Variants in RIC3 observed in about 807,000 individuals in gnomAD.
RIC3 encodes the protein RIC3 acetylcholine receptor chaperone.
A neutral mutation model predicts 27.3 loss-of-function variants in RIC3; 28 were observed. The observed-to-expected ratio is 1.02, with a 90% CI of 0.76 to 1.41. The LOEUF (loss-of-function observed/expected upper bound fraction) is 1.41, where lower values mean the gene tolerates loss of function less well. RIC3 is among the 40% of genes most tolerant of loss of function. The pLI is 0.00. For missense variants in RIC3, 501 were observed against 444.7 expected, an observed-to-expected ratio of 1.13 and a Z score of -1.14; for synonymous variants, 184 against 160.4, an observed-to-expected ratio of 1.15 and a Z score of -1.11.
In RIC3 at chr11:8,106,687, T is replaced by G. The variant is rs1487748669; in HGVS notation, c.*4011A>C. 1 of 436 alleles carries G rather than the reference T, an allele frequency of 2.3e-3. No homozygotes were observed. The highest frequency in any genetic ancestry group is 5.6e-3 in the Non-Finnish European group (1 of 178). 0.0% of individuals were successfully genotyped at this position (436 alleles called of 1,614,324 possible). ...AACAGGACCTCGAGATGCTTAGGAA[T>G]CTTTTTTTGTTGCCGGGCAGCTGTG... On this transcript the variant is annotated 3_prime_UTR_variant, in exon 6 of 6. Coordinates refer to ENST00000309737, the MANE Select transcript of RIC3 (RefSeq NM_001206671.4).
chr11:8,100,141 C>G, the RIC3 span, among the ~76,000 whole-genome samples: 1 of 152,098 alleles, frequency 6.6e-6, no homozygotes, highest in Non-Finnish European at 1.5e-5. Flanking sequence ...GTGAGAGAAG[C>G]TAGTGGTGAA....
At chr11:8,112,358 A>G (rs565191372) in intron 5 of RIC3, among the ~76,000 whole-genome samples, 12 of 151,268 alleles carry the variant, frequency 7.9e-5, no homozygotes, top group African/African-American at 2.7e-4. Flanking sequence ...CAGTGGTGCA[A>G]TCTCGGTTCA....
the RIC3 span, among the ~76,000 whole-genome samples, chr11:8,093,166 G>C: frequency 6.6e-6 from 1 of 152,000 alleles, no homozygotes; most frequent in Non-Finnish European, 1.5e-5. Flanking sequence ...CTGCTCTGAC[G>C]AGGGAGGCAG....
chr11:8,138,684 G>A, intron 2 of RIC3: 1 of 266,830 alleles, frequency 3.7e-6, no homozygotes, highest in Non-Finnish European at 6.9e-6. Context: ...CCATAATAAA[G>A]AAATCAACTG....
At chr11:8,093,880 A>G in the RIC3 span, among the ~76,000 whole-genome samples, 1 of 152,124 alleles carries the variant, frequency 6.6e-6, no homozygotes, top group African/African-American at 2.4e-5. Flanking sequence ...TTTGCCTAGT[A>G]GAGATGAGTG....
At chr11:8,138,372 C>T (rs1005918086) in intron 2 of RIC3, 25 bp from the exon 3 acceptor site, 1 of 1,489,026 alleles carries the variant, frequency 6.7e-7, no homozygotes, top group South Asian at 1.1e-5. Flanking sequence ...AGGTATAGCA[C>T]ATCAACAGCA....
At chr11:8,156,711 T>C (rs1950687698) in intron 1 of RIC3, among the ~76,000 whole-genome samples, 1 of 152,116 alleles carries the variant, frequency 6.6e-6, no homozygotes, top group Non-Finnish European at 1.5e-5. Context: ...TCCACATATC[T>C]AAATCCAGCC....
chr11:8,140,885 T>C (rs141208513), intron 1 of RIC3, among the ~76,000 whole-genome samples: 2,543 of 151,310 alleles, frequency 0.017, 76 homozygotes, highest in African/African-American at 0.058. Context: ...TTCAACATTC[T>C]TAAAGAAAAG....
In RIC3 at chr11:8,113,677, C is replaced by G. The variant is rs567543725; in HGVS notation, c.671-2540G>C. ...ACAATCCAGCAGACCCTGGGTCTAG[C>G]CCAACCCAGTAGACCCCAGCATTGG... is the stretch of plus-strand genomic sequence containing the variant. On this transcript the variant is annotated intron_variant, in intron 5 of 5. Coordinates refer to ENST00000309737, the MANE Select transcript of RIC3 (RefSeq NM_001206671.4). Among the ~76,000 whole-genome samples, 979 of 152,284 alleles carry G rather than the reference C, an allele frequency of 6.4e-3. 21 individuals are homozygous for G. The highest frequency in any genetic ancestry group is 0.051 in the Admixed American group (779 of 15,300).
chr11:8,096,672 C>A, the RIC3 span: 1 of 1,554,132 alleles, frequency 6.4e-7, no homozygotes, highest in Non-Finnish European at 8.9e-7. Context: ...TTCTTCTTCT[C>A]TCCTTGGCCC....
intron 1 of RIC3, among the ~76,000 whole-genome samples, chr11:8,144,188 T>C (rs1214957911): frequency 1.3e-5 from 2 of 151,700 alleles, no homozygotes; most frequent in Non-Finnish European, 2.9e-5. Context: ...TGGGATCTAA[T>C]GAAACTAAAG....
intron 1 of RIC3, among the ~76,000 whole-genome samples, chr11:8,165,948 G>GAA (rs10628514): frequency 3.3e-5 from 5 of 150,900 alleles, no homozygotes; most frequent in African/African-American, 1.2e-4. Context: ...CCAGCTAATT[G>GAA]AAAAAAAACA....
At chr11:8,140,666 C>A (rs1252237442) in intron 1 of RIC3, among the ~76,000 whole-genome samples, 1 of 152,198 alleles carries the variant, frequency 6.6e-6, no homozygotes, top group Non-Finnish European at 1.5e-5. Context: ...GCAGAGCCCT[C>A]CACTGCTGCC....
rs967016031 is a variant in RIC3 at position 8,107,255 on chromosome 11, A to G, written c.*3443T>C. On this transcript the variant is annotated 3_prime_UTR_variant, in exon 6 of 6. Transcript: ENST00000309737. The stretch of plus-strand genomic sequence containing the variant: ...ATACAAATAGTCCAGATTGAAGAGA[A>G]CTTTGAGAGTGTGGTAATAATTCGG... The G allele has an allele frequency of 6.6e-6, 1 of 152,224 alleles. No homozygotes were observed. The highest frequency in any genetic ancestry group is 2.4e-5 in the African/African-American group (1 of 41,466). The allele number at this position is 152,224 out of a possible 1,614,324, so 9.4% of individuals were successfully genotyped here. A position where few individuals can be genotyped will look rare whatever the true frequency, so the allele number is the denominator to read the frequency against.
chr11:8,105,079 G>A (rs1944490549), downstream of RIC3: 1 of 152,244 alleles, frequency 6.6e-6, no homozygotes, highest in African/African-American at 2.4e-5. Flanking sequence ...AGTCTGCAGT[G>A]AGGGGAGATG....
At chr11:8,118,354 T>A (rs1003868944) in intron 5 of RIC3, among the ~76,000 whole-genome samples, 6 of 151,200 alleles carry the variant, frequency 4.0e-5, no homozygotes, top group African/African-American at 1.5e-4. Context: ...GCCAATAGTC[T>A]CTAATAAAAT....
intron 1 of RIC3, among the ~76,000 whole-genome samples, chr11:8,155,268 C>T (rs1036333848): frequency 1.4e-5 from 2 of 147,028 alleles, no homozygotes; most frequent in Admixed American, 6.8e-5. Flanking sequence ...TTAAGCTTAA[C>T]TAAAAACTTA....
chr11:8,097,793 C>G, the RIC3 span: 1 of 1,613,836 alleles, frequency 6.2e-7, no homozygotes, highest in Non-Finnish European at 8.5e-7. Context: ...ACAGACTTGT[C>G]TCGAGGAGGG....
chr11:8,095,428 T>G, the RIC3 span: 4 of 1,511,484 alleles, frequency 2.6e-6, no homozygotes, highest in Non-Finnish European at 3.6e-6. Flanking sequence ...ATCCCCTTCA[T>G]GGACGTCTGA....
Sources: allele counts gnomAD v4.1 joint callset (sites outside exome capture counted in the v4.1 genomes callset), GRCh38; gene constraint gnomAD v4.1.1; transcripts MANE v1.5; gene names NCBI Gene and HGNC (gene_info 2026-07-23, HGNC 2026-07-21).